Variants in HDAC9 observed in about 807,000 individuals in gnomAD.
HDAC9 encodes MEF-2 interacting transcription repressor (MITR) protein.
HDAC9 carries 41 observed loss-of-function variants against 139.4 expected under a neutral mutation model. The observed-to-expected ratio is 0.29, with a 90% CI of 0.23 to 0.38. The LOEUF (loss-of-function observed/expected upper bound fraction) is 0.38. Among genes scored for constraint, HDAC9 ranks in the 10% least tolerant of loss-of-function variants. The probability of loss-of-function intolerance (pLI) is 1.00; values close to 1 mark genes in which losing one functional copy is unlikely to be tolerated. For synonymous variants in HDAC9, 517 were observed against 476.2 expected (o/e 1.09, Z -1.12); for missense variants, 1,147 against 1,297.0 (o/e 0.88, Z 1.78).
intron 1 of HDAC9, among the ~76,000 whole-genome samples, chr7:18,427,758 C>T (rs796154511): frequency 1.3e-5 from 2 of 151,148 alleles, no homozygotes; most frequent in African/African-American, 2.4e-5. Flanking sequence ...GAGGGTGAGA[C>T]CCACCCTCTT....
chr7:18,941,650 C>G (rs557326634), intron 23 of HDAC9, among the ~76,000 whole-genome samples: 4 of 152,222 alleles, frequency 2.6e-5, no homozygotes, highest in African/African-American at 7.2e-5. Flanking sequence ...GAAGGAGGAA[C>G]TGAATACAGG....
chr7:18,580,763 G>T (rs887540457), intron 2 of HDAC9, among the ~76,000 whole-genome samples: 5 of 152,094 alleles, frequency 3.3e-5, no homozygotes, highest in Admixed American at 2.6e-4. Flanking sequence ...TGTTAAAAAT[G>T]GCAGTTAATT....
At chr7:18,146,923 A>G (rs531703305) in intron 1 of HDAC9, among the ~76,000 whole-genome samples, 5 of 152,222 alleles carry the variant, frequency 3.3e-5, no homozygotes, top group Non-Finnish European at 1.5e-5. Context: ...TAGGAATTGC[A>G]TCATGTTTGA....
chr7:18,310,270 T>C (rs73305279), intron 1 of HDAC9, among the ~76,000 whole-genome samples: 3,793 of 152,302 alleles, frequency 0.025, 164 homozygotes, highest in African/African-American at 0.086. Flanking sequence ...CAGAGTTTTA[T>C]GTTGGGCTCT....
chr7:18,941,294 GCT>G (rs1250440587), intron 23 of HDAC9, among the ~76,000 whole-genome samples: 13 of 151,170 alleles, frequency 8.6e-5, no homozygotes, highest in African/African-American at 2.9e-4. Flanking sequence ...TGTTGAGTAT[GCT>G]CAGCTGCTTC....
intron 2 of HDAC9, among the ~76,000 whole-genome samples, chr7:18,572,442 T>TC (rs1187779626): frequency 1.3e-5 from 2 of 151,252 alleles, no homozygotes; most frequent in Non-Finnish European, 1.5e-5. Flanking sequence ...TCCTTATAAC[T>TC]CCAAGTATTT....
chr7:18,440,731 CAT>C (rs1791679116), intron 1 of HDAC9, among the ~76,000 whole-genome samples: 1 of 152,108 alleles, frequency 6.6e-6, no homozygotes. Flanking sequence ...AGAAAAAAGA[CAT>C]ATACAGATGC....
At chr7:18,380,944 C>CTT (rs1435257916) in intron 1 of HDAC9, among the ~76,000 whole-genome samples, 1 of 151,826 alleles carries the variant, frequency 6.6e-6, no homozygotes, top group Non-Finnish European at 1.5e-5. Context: ...AATCCCAGCA[C>CTT]TTTGGCACTT....
At chr7:18,326,246 GAACTT>G (rs758291127) in intron 1 of HDAC9, among the ~76,000 whole-genome samples, 48 of 152,048 alleles carry the variant, frequency 3.2e-4, no homozygotes, top group African/African-American at 8.7e-4. Context: ...TTACTTTCAA[GAACTT>G]AACTTAAAGT....
At chr7:18,317,197 AAAAT>A (rs1005687047) in intron 1 of HDAC9, among the ~76,000 whole-genome samples, 5 of 151,310 alleles carry the variant, frequency 3.3e-5, no homozygotes, top group Non-Finnish European at 4.4e-5. Flanking sequence ...ACTCTGTCTC[AAAAT>A]AAATAAATAA....
At chr7:18,749,406 G>C (rs143992380) in intron 14 of HDAC9, among the ~76,000 whole-genome samples, 2 of 152,240 alleles carry the variant, frequency 1.3e-5, no homozygotes, top group Non-Finnish European at 2.9e-5. Flanking sequence ...TGGTAGCACT[G>C]TTTGTAAACA....
chr7:18,392,871 G>C (rs1391258137), intron 1 of HDAC9, among the ~76,000 whole-genome samples: 1 of 124,630 alleles, frequency 8.0e-6, no homozygotes, highest in Non-Finnish European at 1.6e-5. Flanking sequence ...GACATTCAGA[G>C]TTAACAGTTC....
chr7:18,510,168 A>ACCTCCAAT (rs1801045108), intron 2 of HDAC9, among the ~76,000 whole-genome samples: 1 of 152,122 alleles, frequency 6.6e-6, no homozygotes, highest in Non-Finnish European at 1.5e-5. Flanking sequence ...AGCAGGAATG[A>ACCTCCAAT]CCTCCAATGC....
At chr7:18,267,418 A>C (rs1006480631) in intron 2 of HDAC9, among the ~76,000 whole-genome samples, 1 of 152,046 alleles carries the variant, frequency 6.6e-6, no homozygotes, top group African/African-American at 2.4e-5. Context: ...CCGAAACTTT[A>C]TATCTTTTGA....
At position 18,662,305 on chromosome 7, in the gene HDAC9, A is replaced by G. The variant is rs148446766; in HGVS notation, c.1468-3908A>G. Among the ~76,000 whole-genome samples, 6 of 152,156 alleles carry G rather than the reference A, an allele frequency of 3.9e-5. No homozygotes were observed. The East Asian group carries it at 1.2e-3, about 29-fold the overall frequency. On this transcript the variant is annotated intron_variant, in intron 11 of 25. Transcript: ENST00000686413. ...GACCTTAACAAGAGATTTTGGTTAA[A>G]TGGTGTAGAGGAAAGCCTAAAGAGA...
chr7:18,798,382 T>C (rs1792990049), intron 17 of HDAC9, among the ~76,000 whole-genome samples: 3 of 152,184 alleles, frequency 2.0e-5, no homozygotes, highest in African/African-American at 7.2e-5. Flanking sequence ...GGAAGCATGT[T>C]TCAAAAAACA....
intron 1 of HDAC9, among the ~76,000 whole-genome samples, chr7:18,348,870 C>T (rs1449044208): frequency 6.6e-6 from 1 of 152,104 alleles, no homozygotes; most frequent in African/African-American, 2.4e-5. Flanking sequence ...ATTTAATCTT[C>T]ACAGTAGTAG....
At chr7:18,405,647 TGTGCA>T (rs1352226329) in intron 1 of HDAC9, among the ~76,000 whole-genome samples, 1 of 152,020 alleles carries the variant, frequency 6.6e-6, no homozygotes, top group Admixed American at 6.5e-5. Context: ...ATCTTTTGAA[TGTGCA>T]GGATTTTCAA....
chr7:18,564,110 C>T (rs943709128), intron 2 of HDAC9, among the ~76,000 whole-genome samples: 1 of 152,096 alleles, frequency 6.6e-6, no homozygotes, highest in South Asian at 2.1e-4. Flanking sequence ...GCTGGGATTA[C>T]AGGTGTGAGC....
Sources: allele counts gnomAD v4.1 joint callset (sites outside exome capture counted in the v4.1 genomes callset), GRCh38; gene constraint gnomAD v4.1.1; transcripts MANE v1.5; gene names NCBI Gene and HGNC (gene_info 2026-07-23, HGNC 2026-07-21).